DAPK1: variants seen among roughly 807,000 people sequenced by gnomAD.
DAPK1 encodes the protein death associated protein kinase 1.
DAPK1 carries 56 observed loss-of-function variants against 144.9 expected under a neutral mutation model. That is an observed-to-expected ratio of 0.39 (90% CI 0.31 to 0.48). The LOEUF is 0.48. Among genes scored for constraint, DAPK1 ranks in the 20% least tolerant of loss-of-function variants. The pLI, the probability that DAPK1 is intolerant of heterozygous loss-of-function variation, is 0.95. For synonymous variants in DAPK1, 690 were observed against 749.0 expected, an observed-to-expected ratio of 0.92 and a Z score of 1.29; for missense variants, 1,454 against 1,875.4, an observed-to-expected ratio of 0.78 and a Z score of 4.15.
intron 19 of DAPK1, among the ~76,000 whole-genome samples, chr9:87,680,156 G>A (rs1372268904): frequency 6.6e-6 from 1 of 151,776 alleles, no homozygotes; most frequent in Non-Finnish European, 1.5e-5. Flanking sequence ...CCAGGCTGGA[G>A]TGCAGTGGCG....
At chr9:87,663,073 T>G (rs527747411) in intron 18 of DAPK1, among the ~76,000 whole-genome samples, 1 of 152,080 alleles carries the variant, frequency 6.6e-6, no homozygotes, top group South Asian at 2.1e-4. Context: ...CAGCGCCCCC[T>G]GCTGCCACCT....
intron 2 of DAPK1, among the ~76,000 whole-genome samples, chr9:87,534,667 C>A (rs577166267): frequency 1.4e-5 from 2 of 140,798 alleles, no homozygotes; most frequent in Non-Finnish European, 3.1e-5. Context: ...TTTTTTGATA[C>A]GGAGTCTCGC....
At chr9:87,695,400 G>A (rs867046730) in intron 21 of DAPK1, among the ~76,000 whole-genome samples, 13 of 152,202 alleles carry the variant, frequency 8.5e-5, no homozygotes, top group Admixed American at 2.0e-4. Context: ...TGGCCAGGCC[G>A]CCCCAGAGGC....
chr9:87,502,322 G>A (rs1057088132), intron 2 of DAPK1, among the ~76,000 whole-genome samples: 2 of 152,060 alleles, frequency 1.3e-5, no homozygotes, highest in Non-Finnish European at 2.9e-5. Flanking sequence ...CTTCAGTTTT[G>A]GCTCCTGGAG....
intron 2 of DAPK1, among the ~76,000 whole-genome samples, chr9:87,584,976 C>T (rs539502670): frequency 3.3e-5 from 5 of 152,264 alleles, no homozygotes; most frequent in South Asian, 2.1e-4. Context: ...TGCGTCCAGC[C>T]GTATATCCTC....
chr9:87,596,202 C>T (rs1828311224), intron 2 of DAPK1, among the ~76,000 whole-genome samples: 1 of 152,104 alleles, frequency 6.6e-6, no homozygotes, highest in Non-Finnish European at 1.5e-5. Context: ...AGAAGGGGTT[C>T]CCGCTGAAGG....
At position 87,603,175 on chromosome 9, in the gene DAPK1, G is replaced by A. The variant is rs1477990667; in HGVS notation, c.63-1779G>A. ...CACAATAACATCTTTGTAAGGAGGG[G>A]CCTGGACTCTAAAGGAAGCAGCTGA... On this transcript the variant is annotated intron_variant, in intron 2 of 25. Coordinates refer to ENST00000408954, the MANE Select transcript of DAPK1 (RefSeq NM_004938.4). Among the ~76,000 whole-genome samples the A allele has an allele frequency of 2.0e-5, 3 of 152,064 alleles. No individual in the cohort carries two copies. The South Asian group carries it at 6.2e-4, about 32-fold the overall frequency.
At chr9:87,540,183 C>CTT (rs33925780) in intron 2 of DAPK1, among the ~76,000 whole-genome samples, 3,498 of 66,248 alleles carry the variant, frequency 0.053, 240 homozygotes, top group African/African-American at 0.13. Flanking sequence ...TTGTTAATCT[C>CTT]TTTTTTTTTT....
intron 2 of DAPK1, among the ~76,000 whole-genome samples, chr9:87,559,796 G>C (rs944359817): frequency 6.6e-6 from 1 of 152,116 alleles, no homozygotes; most frequent in African/African-American, 2.4e-5. Flanking sequence ...AAGGACTCTG[G>C]TGTGGACCTT....
intron 2 of DAPK1, among the ~76,000 whole-genome samples, chr9:87,555,329 T>C (rs1016218873): frequency 1.3e-5 from 2 of 152,140 alleles, no homozygotes; most frequent in Non-Finnish European, 2.9e-5. Flanking sequence ...AAGCAACATA[T>C]CTGCCCTCCC....
rs770475590 is a variant in DAPK1 at position 87,681,490 on chromosome 9, G to A, written c.2088G>A (p.Ser696=). The part of the protein sequence containing the change: ...PRIKLKLFGH[S]GSGKTTLVES... Reference sequence around the variant, plus strand: ...TTAAGCTCAAGCTGTTTGGCCACTCGGGATCCGGGAAAACCACCCTTGTAG... The same window carrying A: ...TTAAGCTCAAGCTGTTTGGCCACTCAGGATCCGGGAAAACCACCCTTGTAG... The change falls in exon 20 of 26, where the codon TCG becomes TCA. Residue 696 remains serine, a synonymous_variant. Transcript: ENST00000408954. The A allele has an allele frequency of 6.2e-6, 10 of 1,613,124 alleles. No individual in the cohort carries two copies. Among genetic ancestry groups the A allele is most frequent in the African/African-American group, 2.7e-5 (2 of 74,850 alleles).
At chr9:87,699,689 G>T (rs544677114) in intron 23 of DAPK1, among the ~76,000 whole-genome samples, 1 of 152,298 alleles carries the variant, frequency 6.6e-6, no homozygotes, top group Non-Finnish European at 1.5e-5. Context: ...TCTGTTGCCA[G>T]ATATAAAAAT....
At chr9:87,545,708 G>C (rs1287315697) in intron 2 of DAPK1, among the ~76,000 whole-genome samples, 1 of 152,020 alleles carries the variant, frequency 6.6e-6, no homozygotes. Flanking sequence ...ACCACACCTG[G>C]CTAATTTTGT....
At chr9:87,560,791 G>A (rs750752193) in intron 2 of DAPK1, among the ~76,000 whole-genome samples, 7 of 150,880 alleles carry the variant, frequency 4.6e-5, no homozygotes, top group East Asian at 1.9e-4. Flanking sequence ...TCAGCCTCCC[G>A]AGTAGCTAAG....
intron 2 of DAPK1, among the ~76,000 whole-genome samples, chr9:87,585,306 A>G (rs1156484625): frequency 6.6e-6 from 1 of 152,230 alleles, no homozygotes; most frequent in East Asian, 1.9e-4. Flanking sequence ...CCATAAGCTC[A>G]TCTGCCTGAA....
chr9:87,640,365 A>C lies in DAPK1; in HGVS notation c.697A>C (p.Asn233His). Residue 233 changes from asparagine (N) to histidine (H), a missense_variant, in exon 8 of 26, where the codon AAC (asparagine) becomes CAC (histidine). By Grantham distance (68) the Asn-to-His change is moderately conservative. This residue lies in a region of DAPK1 where 429 missense variants were observed against 637.5 expected (regional missense o/e 0.67). Coordinates refer to ENST00000408954, the MANE Select transcript of DAPK1 (RefSeq NM_004938.4). The part of the protein sequence containing the change: ...QETLANVSAV[N>H]YEFEDEYFSN... ...AACGTTAGCAAATGTATCCGCTGTC[A>C]ACTACGAATTTGAGGATGAATACTT... The C allele has an allele frequency of 6.2e-7, 1 of 1,614,232 alleles. No individual in the cohort carries two copies. Among genetic ancestry groups the C allele is most frequent in the African/African-American group, 1.3e-5 (1 of 75,078 alleles).
intron 19 of DAPK1, among the ~76,000 whole-genome samples, chr9:87,680,469 T>C (rs1824568306): frequency 6.6e-6 from 1 of 152,236 alleles, no homozygotes; most frequent in Non-Finnish European, 1.5e-5. Flanking sequence ...TGATGGTAGA[T>C]ATTTTTAATA....
chr9:87,666,934 C>T (rs1831080911), intron 18 of DAPK1, among the ~76,000 whole-genome samples: 1 of 152,174 alleles, frequency 6.6e-6, no homozygotes, highest in African/African-American at 2.4e-5. Flanking sequence ...AAACTTCAGT[C>T]AAGGCTCAGA....
intron 18 of DAPK1, chr9:87,667,791 T>A (rs1489080569): frequency 6.6e-6 from 1 of 152,194 alleles, no homozygotes; most frequent in African/African-American, 2.4e-5. Context: ...TCTCTAAAAC[T>A]GCAACAGAAC....
Sources: gnomAD v4.1 joint callset for allele counts (sites outside exome capture counted in the v4.1 genomes callset) on GRCh38, gnomAD v4.1.1 for gene constraint, gnomAD v4.1.1 regional missense constraint, MANE v1.5 for transcripts, NCBI Gene and HGNC (gene_info 2026-07-23, HGNC 2026-07-21) for gene names.